The following PTPRC variants were observed in gnomAD, a reference collection of about 807,000 sequenced individuals.
The protein encoded by PTPRC is protein tyrosine phosphatase receptor type C, also known as receptor-type tyrosine-protein phosphatase C.
Under a neutral mutation model 155.9 loss-of-function variants are expected in PTPRC, and 44 were observed. The ratio of observed to expected loss-of-function variants is 0.28; its 90% CI spans 0.22 to 0.36. PTPRC has a LOEUF of 0.36. PTPRC is among the 10% of genes least tolerant of loss of function. PTPRC has a pLI of 1.00. For missense variants in PTPRC, 1,401 were observed against 1,564.6 expected (o/e 0.90, Z 1.76); for synonymous variants, 525 against 533.1 (o/e 0.98, Z 0.21).
chr1:198,749,586 A>G lies in PTPRC; in HGVS notation c.3072+37A>G, dbSNP rs897586585. On this transcript the variant is annotated intron_variant, in intron 28 of 32. Transcript: ENST00000442510. ...AATTGCCAAAACCCAAGATCCAAACATTTTAAAATAATATCTATGTTATTA... is the reference window on the plus strand; with the variant it reads ...AATTGCCAAAACCCAAGATCCAAACGTTTTAAAATAATATCTATGTTATTA... The G allele has an allele frequency of 3.8e-6, 6 of 1,588,454 alleles. No individual in the cohort carries two copies. In the African/African-American group the frequency reaches 4.0e-5, roughly 11 times the overall value.
intron 2 of PTPRC, among the ~76,000 whole-genome samples, chr1:198,648,376 TA>T (rs914352288): frequency 2.0e-5 from 3 of 151,726 alleles, no homozygotes; most frequent in African/African-American, 7.3e-5. Context: ...ATGAGAGTTG[TA>T]GGGGGTGGGG....
chr1:198,713,154 G>A (rs1653398115), intron 12 of PTPRC, 82 bp downstream of exon 12: 1 of 1,587,002 alleles, frequency 6.3e-7, no homozygotes, highest in Non-Finnish European at 8.6e-7. Flanking sequence ...GAGCCAGTGA[G>A]TCACAAAGCT....
At position 198,756,032 on chromosome 1, in the gene PTPRC, G is replaced by A. The variant is rs757598062; in HGVS notation, c.3772G>A (p.Asp1258Asn). Residue 1258 changes from aspartate to asparagine, a missense_variant, in exon 33 of 33, where the codon GAT (aspartate) becomes AAT (asparagine). Asp to Asn is a conservative substitution (Grantham distance 23). Around this residue, in one of 3 missense-constraint regions of PTPRC, gnomAD observed 400 missense variants for 389.5 expected, o/e 1.03. Coordinates refer to ENST00000442510, the MANE Select transcript of PTPRC (RefSeq NM_002838.5). ...FDNEVDKVKQ[D>N]ANCVNPLGAP... ...TAATGAAGTGGACAAAGTAAAGCAG[G>A]ATGCTAATTGTGTTAATCCACTTGG... 9.3e-6 allele frequency: 15 copies of A among 1,613,346 alleles called. No homozygotes were observed. Among genetic ancestry groups the A allele is most frequent in the Admixed American group, 8.3e-5 (5 of 59,890 alleles).
intron 2 of PTPRC, among the ~76,000 whole-genome samples, chr1:198,661,864 G>T (rs933068650): frequency 6.6e-6 from 1 of 151,954 alleles, no homozygotes; most frequent in African/African-American, 2.4e-5. Context: ...TAAGTTTTCC[G>T]TATTTGACAC....
At chr1:198,667,358 T>C (rs1664380587) in intron 2 of PTPRC, among the ~76,000 whole-genome samples, 1 of 152,216 alleles carries the variant, frequency 6.6e-6, no homozygotes, top group Admixed American at 6.5e-5. Flanking sequence ...GGAATGTTTA[T>C]CATGTCTTCT....
chr1:198,715,654 A>C (rs974801984), intron 12 of PTPRC, among the ~76,000 whole-genome samples: 4 of 152,036 alleles, frequency 2.6e-5, no homozygotes, highest in Non-Finnish European at 5.9e-5. Flanking sequence ...GAAAAAAAAA[A>C]CAGAACAAAT....
chr1:198,752,689 G>C lies in PTPRC; in HGVS notation c.3426G>C (p.Gln1142His). ...CCAAGGAATTAATCTCTATGATTCAGGTCGTCAAACAAAAACTTCCCCAGA... is the reference window on the plus strand; with the variant it reads ...CCAAGGAATTAATCTCTATGATTCACGTCGTCAAACAAAAACTTCCCCAGA... ...AEPKELISMI[Q>H]VVKQKLPQKN... The change falls in exon 31 of 33, where the codon CAG (glutamine) becomes CAC (histidine). Residue 1142 changes from glutamine (Q) to histidine (H), a missense_variant. Coordinates refer to ENST00000442510, the MANE Select transcript of PTPRC (RefSeq NM_002838.5). 6.2e-7 allele frequency: 1 copy of C among 1,612,936 alleles called. No homozygotes were observed. Among genetic ancestry groups the C allele is most frequent in the Non-Finnish European group, 8.5e-7 (1 of 1,179,360 alleles).
chr1:198,689,088 A>C (rs1364647307), intron 2 of PTPRC, among the ~76,000 whole-genome samples: 1 of 152,226 alleles, frequency 6.6e-6, no homozygotes, highest in East Asian at 1.9e-4. Context: ...TCTTTAAAAA[A>C]GTAAATCATT....
At chr1:198,644,454 T>G (rs1662824418) in intron 2 of PTPRC, among the ~76,000 whole-genome samples, 1 of 151,898 alleles carries the variant, frequency 6.6e-6, no homozygotes, top group South Asian at 2.1e-4. Flanking sequence ...TTTGTGTACC[T>G]GGCTCTAACC....
At chr1:198,641,865 A>T (rs1331578096) in intron 2 of PTPRC, among the ~76,000 whole-genome samples, 2 of 152,006 alleles carry the variant, frequency 1.3e-5, no homozygotes, top group Non-Finnish European at 2.9e-5. Context: ...TCATTTTTCC[A>T]TCTGTATTAA....
chr1:198,682,496 T>C (rs12057854), intron 2 of PTPRC, among the ~76,000 whole-genome samples: 6,563 of 152,144 alleles, frequency 0.043, 442 homozygotes, highest in African/African-American at 0.14. Flanking sequence ...TTAGAAAGGG[T>C]TGTGGTTGGT....
At chr1:198,657,497 C>T (rs1663660020) in intron 2 of PTPRC, 1 of 152,106 alleles carries the variant, frequency 6.6e-6, no homozygotes, top group South Asian at 2.1e-4. Flanking sequence ...TAAGTATACT[C>T]AGTTTTGTGA....
intron 2 of PTPRC, among the ~76,000 whole-genome samples, chr1:198,680,939 A>G (rs956307234): frequency 1.3e-5 from 2 of 152,176 alleles, no homozygotes; most frequent in African/African-American, 2.4e-5. Flanking sequence ...CTATATTCGA[A>G]GCAATATATT....
chr1:198,743,067 C>CAAAAAAAAAAAAAAAAAAAAAAAGAA (rs10628640), intron 25 of PTPRC, among the ~76,000 whole-genome samples: 1 of 75,952 alleles, frequency 1.3e-5, no homozygotes, highest in Non-Finnish European at 2.5e-5. Context: ...GTCAAAATAG[C>CAAAAAAAAAAAAAAAAAAAAAAAGAA]AAAAAAAAAA....
chr1:198,747,659 G>C (rs1306304186), intron 26 of PTPRC, among the ~76,000 whole-genome samples: 3 of 151,884 alleles, frequency 2.0e-5, no homozygotes, highest in Non-Finnish European at 2.9e-5. Flanking sequence ...CTGTGGGTGA[G>C]AGGAAAGCAA....
intron 2 of PTPRC, chr1:198,680,145 C>G (rs549757840): frequency 2.5e-6 from 1 of 402,776 alleles, no homozygotes; most frequent in South Asian, 6.2e-5. Flanking sequence ...AGCCGGGGCT[C>G]ATTTATAGGA....
At chr1:198,706,312 C>T (rs1052136829) in intron 8 of PTPRC, among the ~76,000 whole-genome samples, 5 of 152,108 alleles carry the variant, frequency 3.3e-5, no homozygotes, top group African/African-American at 4.8e-5. Flanking sequence ...TTAATAACTA[C>T]GTTTTAGAAA....
intron 2 of PTPRC, among the ~76,000 whole-genome samples, chr1:198,646,741 A>G (rs1194745467): frequency 2.0e-5 from 3 of 151,888 alleles, no homozygotes; most frequent in Non-Finnish European, 2.9e-5. Flanking sequence ...TTATGTTTGA[A>G]TTCTCATTCA....
In PTPRC at chr1:198,728,404, T is replaced by G. The variant is rs1382811563; in HGVS notation, c.1785T>G (p.Leu595=). ...TTATTGTGACATCAATAGCCCTGCTTGTTGTTCTCTACAAAATCTATGATC... is the reference window on the plus strand; with the variant it reads ...TTATTGTGACATCAATAGCCCTGCTGGTTGTTCTCTACAAAATCTATGATC... ...FLIIVTSIAL[L]VVLYKIYDLH... The change falls in exon 16 of 33, where the codon CTT becomes CTG. Residue 595 remains leucine, a synonymous_variant. Transcript: ENST00000442510. 1 of 1,612,904 alleles carries G rather than the reference T, an allele frequency of 6.2e-7. No individual in the cohort carries two copies. The highest frequency in any genetic ancestry group is 1.3e-5 in the African/African-American group (1 of 74,890).
Sources: gnomAD v4.1 joint callset for allele counts (sites outside exome capture counted in the v4.1 genomes callset) on GRCh38, gnomAD v4.1.1 for gene constraint, gnomAD v4.1.1 regional missense constraint, MANE v1.5 for transcripts, NCBI Gene and HGNC (gene_info 2026-07-23, HGNC 2026-07-21) for gene names.